The following EFCAB5 variants were observed in gnomAD, a reference collection of about 807,000 sequenced individuals.
EFCAB5 encodes the protein EF-hand calcium binding domain 5.
EFCAB5 carries 131 observed loss-of-function variants against 167.9 expected under a neutral mutation model. The observed-to-expected ratio is 0.78, with a 90% CI of 0.68 to 0.90. The LOEUF is 0.90. EFCAB5 is among the 40% of genes least tolerant of loss of function. EFCAB5 has a pLI of 0.00. For missense variants in EFCAB5, 1,663 were observed against 1,745.2 expected, an observed-to-expected ratio of 0.95 and a Z score of 0.84; for synonymous variants, 574 against 602.8, an observed-to-expected ratio of 0.95 and a Z score of 0.70.
chr17:30,072,619 A>T (rs1364843708), intron 14 of EFCAB5, among the ~76,000 whole-genome samples: 1 of 152,178 alleles, frequency 6.6e-6, no homozygotes, highest in Non-Finnish European at 1.5e-5. Flanking sequence ...TGGTTGCAGT[A>T]TGTCCTTCAT....
chr17:30,051,292 G>A (rs2070089824), intron 9 of EFCAB5, 75 bp downstream of exon 9: 1 of 1,231,912 alleles, frequency 8.1e-7, no homozygotes. Context: ...ATGATACACT[G>A]ATATGTTAAC....
chr17:29,975,085 A>G (rs1351199047), intron 4 of EFCAB5, among the ~76,000 whole-genome samples: 1 of 151,996 alleles, frequency 6.6e-6, no homozygotes, highest in Non-Finnish European at 1.5e-5. Flanking sequence ...AAAACTAAAA[A>G]TATAACAACC....
upstream of EFCAB5, among the ~76,000 whole-genome samples, chr17:29,940,274 A>G (rs1597550814): frequency 6.6e-6 from 1 of 152,086 alleles, no homozygotes; most frequent in South Asian, 2.1e-4. Flanking sequence ...ACAGGGTTTC[A>G]CTATGTTGGC....
intron 7 of EFCAB5, among the ~76,000 whole-genome samples, chr17:30,024,720 C>T (rs1410869326): frequency 3.6e-4 from 54 of 151,874 alleles, no homozygotes; most frequent in Admixed American, 4.6e-4. Context: ...GAGCCCGCAT[C>T]GCCAAGTCAA....
At position 30,090,489 on chromosome 17, in the gene EFCAB5, T is replaced by C. The variant is rs1363982330; in HGVS notation, c.3752T>C (p.Ile1251Thr). 19 of 1,614,024 alleles carry C rather than the reference T, an allele frequency of 1.2e-5. No individual in the cohort carries two copies. The highest frequency in any genetic ancestry group is 1.5e-5 in the Non-Finnish European group (18 of 1,179,890). The change falls in exon 20 of 23, where the codon ATA (isoleucine) becomes ACA (threonine). Residue 1251 changes from isoleucine to threonine, a missense_variant. Ile to Thr is a moderately conservative substitution (Grantham distance 89, BLOSUM62 -1). Coordinates refer to ENST00000394835, the MANE Select transcript of EFCAB5 (RefSeq NM_198529.4). The stretch of plus-strand genomic sequence containing the variant: ...GCTTCTGCCTGTGGAGAAACGCATA[T>C]AGTAGTTCCACTTCGTGAGAGAACA... Reference protein sequence around the residue: ...VLASACGETHIVVPLRERTGE... With the variant: ...VLASACGETHTVVPLRERTGE...
intron 7 of EFCAB5, among the ~76,000 whole-genome samples, chr17:30,024,878 C>T (rs1597687767): frequency 2.0e-5 from 3 of 151,634 alleles, no homozygotes; most frequent in Non-Finnish European, 2.9e-5. Flanking sequence ...GAAATAACGC[C>T]GCATATCTAC....
intron 4 of EFCAB5, among the ~76,000 whole-genome samples, chr17:29,986,892 C>T (rs1464613545): frequency 6.6e-6 from 1 of 151,898 alleles, no homozygotes; most frequent in African/African-American, 2.4e-5. Context: ...CGTGATCCGC[C>T]CGCCTCGGCC....
chr17:29,966,423 G>C (rs937599083), intron 3 of EFCAB5, among the ~76,000 whole-genome samples: 1 of 152,016 alleles, frequency 6.6e-6, no homozygotes, highest in Non-Finnish European at 1.5e-5. Flanking sequence ...TTGAAGCCAG[G>C]AGTTCAAGAC....
At chr17:30,008,561 G>T (rs990772719) in intron 7 of EFCAB5, among the ~76,000 whole-genome samples, 1 of 151,738 alleles carries the variant, frequency 6.6e-6, no homozygotes, top group Non-Finnish European at 1.5e-5. Flanking sequence ...CTGCACTCCA[G>T]CCTGGGTGAC....
intron 14 of EFCAB5, among the ~76,000 whole-genome samples, chr17:30,062,060 G>A (rs542208595): frequency 4.6e-5 from 7 of 152,188 alleles, no homozygotes; most frequent in African/African-American, 7.2e-5. Context: ...TTTAAATGAC[G>A]AAATTTGCTT....
chr17:30,038,347 C>A (rs2069680458), intron 8 of EFCAB5, among the ~76,000 whole-genome samples: 1 of 152,136 alleles, frequency 6.6e-6, no homozygotes, highest in Admixed American at 6.5e-5. Flanking sequence ...AACAGCAAAG[C>A]CTAGATAACA....
intron 3 of EFCAB5, among the ~76,000 whole-genome samples, chr17:29,946,503 C>A: frequency 8.0e-6 from 1 of 125,696 alleles, no homozygotes; most frequent in African/African-American, 3.1e-5. Flanking sequence ...GTGGCATGAT[C>A]TTGGCTGACT....
chr17:29,946,581 C>T (rs1165036482), intron 3 of EFCAB5, among the ~76,000 whole-genome samples: 4 of 151,744 alleles, frequency 2.6e-5, no homozygotes, highest in Non-Finnish European at 5.9e-5. Context: ...GGACTTCAGG[C>T]ACCTGCCACC....
intron 3 of EFCAB5, among the ~76,000 whole-genome samples, chr17:29,959,133 C>T (rs2067673040): frequency 6.6e-6 from 1 of 151,542 alleles, no homozygotes; most frequent in African/African-American, 2.4e-5. Context: ...CACCCAAGGC[C>T]TTTGGTAACT....
Position 30,034,404 on chromosome 17 carries a change from A to G in EFCAB5, c.1200+19A>G. The G allele has an allele frequency of 6.4e-7, 1 of 1,563,300 alleles. No homozygotes were observed. Among genetic ancestry groups the G allele is most frequent in the Middle Eastern group, 1.7e-4 (1 of 6,004 alleles). ...CGGGAAGGTGGGTTAAGACATTTAA[A>G]TAATTGCTTCTTGGCCAGACACTGT... is the stretch of plus-strand genomic sequence containing the variant. On this transcript the variant is annotated intron_variant, in intron 8 of 22. Transcript: ENST00000394835.
chr17:30,034,467 G>T, intron 8 of EFCAB5, 82 bp downstream of exon 8: 1 of 1,493,300 alleles, frequency 6.7e-7, no homozygotes, highest in Non-Finnish European at 9.0e-7. Flanking sequence ...AGGAGGCTGA[G>T]GCTGGTGGAT....
intron 4 of EFCAB5, among the ~76,000 whole-genome samples, chr17:29,970,972 C>T (rs186386200): frequency 5.3e-5 from 8 of 151,278 alleles, no homozygotes; most frequent in Admixed American, 1.3e-4. Flanking sequence ...CTACTTGGGA[C>T]GCTGAGGTGG....
rs545095970 is a variant in EFCAB5, at chr17:29,975,260, T to A, written c.767+5893T>A. 5.9e-5 allele frequency among the ~76,000 whole-genome samples: 9 copies of A among 151,630 alleles called. No individual in the cohort carries two copies. The South Asian group carries it at 6.3e-4, about 11-fold the overall frequency. ...TATCTTCTGACATACAGACCTACAC[T>A]AATTTTTTTTTTTTTTGAGACGAAA... On this transcript the variant is annotated intron_variant, in intron 4 of 22. Coordinates refer to ENST00000394835, the MANE Select transcript of EFCAB5 (RefSeq NM_198529.4).
intron 3 of EFCAB5, among the ~76,000 whole-genome samples, chr17:29,960,518 G>T (rs929874890): frequency 6.6e-6 from 1 of 152,058 alleles, no homozygotes; most frequent in Admixed American, 6.6e-5. Context: ...ATGGTTGTTT[G>T]GTGCACCTAT....
Sources: allele counts gnomAD v4.1 joint callset (sites outside exome capture counted in the v4.1 genomes callset), GRCh38; gene constraint gnomAD v4.1.1; transcripts MANE v1.5; gene names NCBI Gene and HGNC (gene_info 2026-07-23, HGNC 2026-07-21).